GALNT18: variants seen among roughly 807,000 people sequenced by gnomAD.
GALNT18 encodes GalNAc-transferase 18.
A neutral mutation model predicts 69.5 loss-of-function variants in GALNT18; 44 were observed. The ratio of observed to expected loss-of-function variants is 0.63; its 90% CI spans 0.50 to 0.81. The LOEUF is 0.81. Among genes scored for constraint, GALNT18 ranks in the 40% least tolerant of loss-of-function variants. GALNT18 has a pLI of 0.00. For missense variants in GALNT18, 715 were observed against 810.0 expected (o/e 0.88, Z 1.42); for synonymous variants, 364 against 318.2 (o/e 1.14, Z -1.53).
intron 3 of GALNT18, among the ~76,000 whole-genome samples, chr11:11,400,029 T>TA (rs1458231765): frequency 1.3e-5 from 2 of 152,190 alleles, no homozygotes; most frequent in African/African-American, 2.4e-5. Flanking sequence ...TGCCTGCTCC[T>TA]AAAAAATAGA....
chr11:11,447,037 A>T (rs1157948197), intron 2 of GALNT18, among the ~76,000 whole-genome samples: 4 of 152,160 alleles, frequency 2.6e-5, no homozygotes, highest in African/African-American at 9.7e-5. Flanking sequence ...GTTGAGAACC[A>T]CGGCCCTAAT....
intron 3 of GALNT18, among the ~76,000 whole-genome samples, chr11:11,426,051 G>A (rs990365044): frequency 6.6e-5 from 10 of 152,214 alleles, no homozygotes; most frequent in African/African-American, 2.2e-4. Flanking sequence ...CAAGGAAGAT[G>A]AGGAGGGGAG....
Position 11,356,674 on chromosome 11 carries a change from CAATT to C in GALNT18, c.1093-15674_1093-15671del, listed in dbSNP as rs1411968566. 6.6e-6 allele frequency among the ~76,000 whole-genome samples: 1 copy of C among 152,142 alleles called. No homozygotes were observed. The highest frequency in any genetic ancestry group is 1.5e-5 in the Non-Finnish European group (1 of 68,030). On this transcript the variant is annotated intron_variant, in intron 6 of 10. Transcript: ENST00000227756. This position sits in a 1 kb window ranked among gnomAD's most constrained non-coding sequence, Gnocchi z 4.4. ...CAGGTTGACTCCCCAAATCCTTCAT[CAATT>C]GTTACCTCGTTTGTGCATGTTATTA...
At chr11:11,285,974 T>C (rs565121367) in intron 10 of GALNT18, among the ~76,000 whole-genome samples, 6 of 152,324 alleles carry the variant, frequency 3.9e-5, no homozygotes, top group Admixed American at 2.6e-4. Flanking sequence ...CATCTAGTCT[T>C]GAAAATTTCT....
At chr11:11,325,024 G>T (rs1370028823) in intron 9 of GALNT18, among the ~76,000 whole-genome samples, 2 of 152,180 alleles carry the variant, frequency 1.3e-5, no homozygotes, top group Non-Finnish European at 2.9e-5. Context: ...CAAAGGAAAA[G>T]AAGTCATTAT....
intron 6 of GALNT18, chr11:11,353,118 A>G (rs750687783): frequency 1.2e-6 from 2 of 1,614,092 alleles, no homozygotes; most frequent in Non-Finnish European, 1.7e-6. Context: ...GGGTCCCGAC[A>G]TGTCAGACAG....
Position 11,432,328 on chromosome 11 carries a change from A to T in GALNT18, c.595+293T>A, listed in dbSNP as rs1487647870. Among the ~76,000 whole-genome samples the T allele has an allele frequency of 2.0e-5, 3 of 152,218 alleles. No individual in the cohort carries two copies. The highest frequency in any genetic ancestry group is 4.4e-5 in the Non-Finnish European group (3 of 68,036). ...GTCACTGGACATGTTCACTGTGTACATGGTAGGGTAGGAGGTCAGGGCCTT... is the reference window on the plus strand; with the variant it reads ...GTCACTGGACATGTTCACTGTGTACTTGGTAGGGTAGGAGGTCAGGGCCTT... On this transcript the variant is annotated intron_variant, in intron 3 of 10. Coordinates refer to ENST00000227756, the MANE Select transcript of GALNT18 (RefSeq NM_198516.3). The surrounding 1 kb of genome is among the most constrained non-coding windows in gnomAD (Gnocchi z 5.8).
intron 1 of GALNT18, among the ~76,000 whole-genome samples, chr11:11,570,814 C>T (rs543241871): frequency 6.6e-6 from 1 of 152,334 alleles, no homozygotes; most frequent in African/African-American, 2.4e-5. Context: ...ACATTCAGGG[C>T]TCAGCACACT....
At chr11:11,310,489 A>G (rs1275930198) in intron 9 of GALNT18, among the ~76,000 whole-genome samples, 1 of 152,238 alleles carries the variant, frequency 6.6e-6, no homozygotes, top group Non-Finnish European at 1.5e-5. Flanking sequence ...TCCGTAGCCC[A>G]GTTGTACAAG....
At chr11:11,400,448 C>T (rs571667978) in intron 3 of GALNT18, among the ~76,000 whole-genome samples, 22 of 152,322 alleles carry the variant, frequency 1.4e-4, no homozygotes, top group African/African-American at 3.4e-4. Context: ...TCAAGGACTG[C>T]GGCAAACCAG....
rs1163268967 is a variant in GALNT18, at chr11:11,563,741, T to A, written c.235+57618A>T. Among the ~76,000 whole-genome samples the A allele has an allele frequency of 6.6e-6, 1 of 152,190 alleles. No individual in the cohort carries two copies. The highest frequency in any genetic ancestry group is 1.9e-4 in the East Asian group (1 of 5,188). On this transcript the variant is annotated intron_variant, in intron 1 of 10. Coordinates refer to ENST00000227756, the MANE Select transcript of GALNT18 (RefSeq NM_198516.3). This position sits in a 1 kb window ranked among gnomAD's most constrained non-coding sequence, Gnocchi z 4.6. ...CTCTCTCCTCCCAGCCCTGCCTCCC[T>A]AGCACCACACTTTTGTGGAAACTAT...
intron 10 of GALNT18, among the ~76,000 whole-genome samples, chr11:11,278,764 T>C (rs541685592): frequency 1.1e-4 from 16 of 152,102 alleles, no homozygotes; most frequent in Non-Finnish European, 1.8e-4. Flanking sequence ...TACAGTTCGA[T>C]AGAAGGAATA....
rs189971029 is a variant in GALNT18, at chr11:11,356,926, C to T, written c.1092+15589G>A. 4.6e-3 allele frequency among the ~76,000 whole-genome samples: 698 copies of T among 152,294 alleles called. 2 individuals carry two copies. The highest frequency in any genetic ancestry group is 7.6e-3 in the Non-Finnish European group (514 of 68,034). ...TTTACAACGTACTTTTAAACTGCGT[C>T]TACTCAGCTGCTGGTTTGTAATTGC... On this transcript the variant is annotated intron_variant, in intron 6 of 10. Coordinates refer to ENST00000227756, the MANE Select transcript of GALNT18 (RefSeq NM_198516.3). The surrounding 1 kb of genome is among the most constrained non-coding windows in gnomAD (Gnocchi z 4.4).
In GALNT18 at chr11:11,562,570, C is replaced by T. The variant is rs573440007; in HGVS notation, c.235+58789G>A. On this transcript the variant is annotated intron_variant, in intron 1 of 10. Coordinates refer to ENST00000227756, the MANE Select transcript of GALNT18 (RefSeq NM_198516.3). This position sits in a 1 kb window ranked among gnomAD's most constrained non-coding sequence, Gnocchi z 4.1. ...TCAGGAGTTGTCCTAGCAACACCCA[C>T]CACCATCACCATCAAACCTGCCTCC... Among the ~76,000 whole-genome samples the T allele has an allele frequency of 2.6e-4, 39 of 152,156 alleles. No homozygotes were observed. The highest frequency in any genetic ancestry group is 3.5e-4 in the Non-Finnish European group (24 of 68,022).
At position 11,592,147 on chromosome 11, in the gene GALNT18, A is replaced by C. The variant is rs1859373710; in HGVS notation, c.235+29212T>G. ...CACAAACCAGAAAAACTTTTCAGCAAGTTAAGGAGATTCCTATTTCTCTAA... is the reference window on the plus strand; with the variant it reads ...CACAAACCAGAAAAACTTTTCAGCACGTTAAGGAGATTCCTATTTCTCTAA... On this transcript the variant is annotated intron_variant, in intron 1 of 10. Coordinates refer to ENST00000227756, the MANE Select transcript of GALNT18 (RefSeq NM_198516.3). This position sits in a 1 kb window ranked among gnomAD's most constrained non-coding sequence, Gnocchi z 5.9. Among the ~76,000 whole-genome samples, 1 of 152,230 alleles carries C rather than the reference A, an allele frequency of 6.6e-6. No individual in the cohort carries two copies. Among genetic ancestry groups the C allele is most frequent in the Admixed American group, 6.5e-5 (1 of 15,290 alleles).
intron 1 of GALNT18, among the ~76,000 whole-genome samples, chr11:11,456,898 G>A (rs888404459): frequency 1.3e-5 from 2 of 152,216 alleles, no homozygotes; most frequent in African/African-American, 4.8e-5. Flanking sequence ...TGATAAGAGT[G>A]GAGCTTACAG....
intron 3 of GALNT18, among the ~76,000 whole-genome samples, chr11:11,429,425 TC>T (rs1379519149): frequency 6.6e-6 from 1 of 152,184 alleles, no homozygotes; most frequent in Non-Finnish European, 1.5e-5. Context: ...CTTTAATTAC[TC>T]CACGCGTGAG....
chr11:11,304,118 G>T (rs1849539433), intron 9 of GALNT18, among the ~76,000 whole-genome samples: 1 of 152,152 alleles, frequency 6.6e-6, no homozygotes, highest in African/African-American at 2.4e-5. Flanking sequence ...AGACAAAGTA[G>T]CCCTGAAGCT....
intron 10 of GALNT18, among the ~76,000 whole-genome samples, chr11:11,277,565 C>A (rs1349827233): frequency 3.9e-5 from 6 of 152,120 alleles, no homozygotes; most frequent in Admixed American, 3.9e-4. Context: ...TTTGCTGCTG[C>A]TTCTCTAGTT....
Sources: allele counts gnomAD v4.1 joint callset (sites outside exome capture counted in the v4.1 genomes callset), GRCh38; gene constraint gnomAD v4.1.1; non-coding constraint Gnocchi (gnomAD v3.1); transcripts MANE v1.5; gene names NCBI Gene and HGNC (gene_info 2026-07-23, HGNC 2026-07-21).